SDK1: variants seen among roughly 807,000 people sequenced by gnomAD.
The protein encoded by SDK1 is protein sidekick-1.
A neutral mutation model predicts 245.5 loss-of-function variants in SDK1; 157 were observed. The ratio of observed to expected loss-of-function variants is 0.64; its 90% CI spans 0.56 to 0.73. SDK1 has a LOEUF of 0.73. Among genes scored for constraint, SDK1 ranks in the 30% least tolerant of loss-of-function variants. SDK1 has a pLI of 0.00. For missense variants in SDK1, 3,583 were observed against 3,002.3 expected, an observed-to-expected ratio of 1.19 and a Z score of -4.52; for synonymous variants, 1,647 against 1,278.5, an observed-to-expected ratio of 1.29 and a Z score of -6.15.
rs536929302 is a variant in SDK1, at chr7:4,192,804, G to A, written c.5099-13075G>A. Among the ~76,000 whole-genome samples the A allele has an allele frequency of 2.9e-3, 442 of 151,866 alleles. 2 individuals carry two copies. Among genetic ancestry groups the A allele is most frequent in the Non-Finnish European group, 4.9e-3 (333 of 67,994 alleles). On this transcript the variant is annotated intron_variant, in intron 35 of 44. Coordinates refer to ENST00000404826, the MANE Select transcript of SDK1 (RefSeq NM_152744.4). ...CACCAGCTCAACCACAAGGCAGCAC[G>A]GCCAGTCTGGCTTCATCCAAACATC...
intron 1 of SDK1, among the ~76,000 whole-genome samples, chr7:3,495,252 C>CTTTTTTT (rs71029675): frequency 1.1e-4 from 11 of 99,760 alleles, no homozygotes; most frequent in Non-Finnish European, 1.7e-4. Context: ...CATAATGGTT[C>CTTTTTTT]TTTTTTTTTT....
Position 4,051,115 on chromosome 7 carries a change from TA to T in SDK1, c.2719-521del, listed in dbSNP as rs1387264382. 3.4e-4 allele frequency among the ~76,000 whole-genome samples: 48 copies of T among 139,808 alleles called. 1 individual carries two copies. In the South Asian group the frequency reaches 0.01, roughly 30 times the overall value. The allele number at this position is 139,808 out of a possible 152,430, so 91.7% of individuals were successfully genotyped here. A position where few individuals can be genotyped will look rare whatever the true frequency, so the allele number is the denominator to read the frequency against. On this transcript the variant is annotated intron_variant, in intron 18 of 44. Coordinates refer to ENST00000404826, the MANE Select transcript of SDK1 (RefSeq NM_152744.4). Reference sequence around the variant, plus strand: ...TATATGTGTATATAATATATATGTATAATATATACATATTATATATAATATA... The same window carrying T: ...TATATGTGTATATAATATATATGTATATATATACATATTATATATAATATA...
chr7:4,070,746 G>A (rs1038878934), intron 20 of SDK1, among the ~76,000 whole-genome samples: 4 of 148,784 alleles, frequency 2.7e-5, no homozygotes, highest in African/African-American at 1.0e-4. Flanking sequence ...GTCTCACTCT[G>A]CAGCCCAGGA....
At chr7:3,584,731 A>AT (rs10683288) in intron 1 of SDK1, among the ~76,000 whole-genome samples, 13,240 of 146,336 alleles carry the variant, frequency 0.09, 854 homozygotes, top group African/African-American at 0.16. Flanking sequence ...ACTTCACGTT[A>AT]TTTTTTTTTT....
At chr7:3,907,268 T>C (rs1778983823) in intron 5 of SDK1, among the ~76,000 whole-genome samples, 1 of 152,236 alleles carries the variant, frequency 6.6e-6, no homozygotes, top group South Asian at 2.1e-4. Context: ...AGAAGCTCTG[T>C]ACCTATTAAC....
rs539939029 is a variant in SDK1 at position 3,498,206 on chromosome 7, C to T, written c.299-120874C>T. Reference sequence around the variant, plus strand: ...TGGGGTGAAAACACTCAAAGCCTGCCTTGAAAAAAGTCAACTTTTATGAGA... The same window carrying T: ...TGGGGTGAAAACACTCAAAGCCTGCTTTGAAAAAAGTCAACTTTTATGAGA... On this transcript the variant is annotated intron_variant, in intron 1 of 44. Transcript: ENST00000404826. Among the ~76,000 whole-genome samples, 33 of 152,274 alleles carry T rather than the reference C, an allele frequency of 2.2e-4. No individual in the cohort carries two copies. In the South Asian group the frequency reaches 6.6e-3, roughly 31 times the overall value.
rs112676363 is a variant in SDK1, at chr7:4,256,334, T to G, written c.6382-8790T>G. On this transcript the variant is annotated intron_variant, in intron 44 of 44. Coordinates refer to ENST00000404826, the MANE Select transcript of SDK1 (RefSeq NM_152744.4). Reference sequence around the variant, plus strand: ...TTGCCATTCCAGAAATATCCTGGCCTTCATGGCTAGTAACTCTGATATTCA... The same window carrying G: ...TTGCCATTCCAGAAATATCCTGGCCGTCATGGCTAGTAACTCTGATATTCA... 6.4e-3 allele frequency among the ~76,000 whole-genome samples: 974 copies of G among 152,354 alleles called. 3 individuals are homozygous for G. The highest frequency in any genetic ancestry group is 9.9e-3 in the Non-Finnish European group (674 of 68,040).
At chr7:3,700,152 G>C (rs1038945422) in intron 4 of SDK1, among the ~76,000 whole-genome samples, 2 of 152,174 alleles carry the variant, frequency 1.3e-5, no homozygotes, top group Non-Finnish European at 2.9e-5. Context: ...CAAATGAAGG[G>C]AAAACTAAAG....
intron 14 of SDK1, among the ~76,000 whole-genome samples, chr7:4,004,302 T>C (rs1178023109): frequency 1.3e-5 from 2 of 151,822 alleles, no homozygotes; most frequent in Non-Finnish European, 2.9e-5. Context: ...ATACTTATAT[T>C]TCAGGAGATT....
In SDK1 at chr7:3,389,931, A is replaced by G. The variant is rs117188977; in HGVS notation, c.298+88047A>G. On this transcript the variant is annotated intron_variant, in intron 1 of 44. Coordinates refer to ENST00000404826, the MANE Select transcript of SDK1 (RefSeq NM_152744.4). ...CCTTGAACAGACTGTTCAAGTGTTT[A>G]ATGTAGATATTAAAGACTGCTGGTG... is the stretch of plus-strand genomic sequence containing the variant. Among the ~76,000 whole-genome samples, 468 of 152,260 alleles carry G rather than the reference A, an allele frequency of 3.1e-3. 2 individuals carry two copies. The highest frequency in any genetic ancestry group is 4.8e-3 in the Non-Finnish European group (326 of 68,018).
intron 4 of SDK1, among the ~76,000 whole-genome samples, chr7:3,804,588 T>C (rs1328836117): frequency 6.6e-6 from 1 of 152,244 alleles, no homozygotes; most frequent in Non-Finnish European, 1.5e-5. Flanking sequence ...GAATATTTTC[T>C]CTATAGGAAA....
chr7:3,438,247 AT>A (rs1780087622), intron 1 of SDK1, among the ~76,000 whole-genome samples: 1 of 152,216 alleles, frequency 6.6e-6, no homozygotes, highest in Non-Finnish European at 1.5e-5. Context: ...TATATTCCCA[AT>A]GAATATGACT....
intron 4 of SDK1, among the ~76,000 whole-genome samples, chr7:3,663,361 A>G (rs1783423986): frequency 6.6e-6 from 1 of 152,184 alleles, no homozygotes; most frequent in South Asian, 2.1e-4. Context: ...CACACATAGT[A>G]TCTGTTCCCT....
chr7:3,652,336 G>C (rs150942015), intron 4 of SDK1, among the ~76,000 whole-genome samples: 1 of 152,226 alleles, frequency 6.6e-6, no homozygotes, highest in Non-Finnish European at 1.5e-5. Flanking sequence ...GGATGCCAGG[G>C]GGAACAAAGT....
chr7:4,136,457 G>A (rs1779098983), intron 28 of SDK1, among the ~76,000 whole-genome samples: 2 of 152,222 alleles, frequency 1.3e-5, no homozygotes, highest in Non-Finnish European at 1.5e-5. Context: ...CCGAGCTTTT[G>A]TAATCTATAT....
At chr7:3,692,253 G>A (rs886721494) in intron 4 of SDK1, among the ~76,000 whole-genome samples, 4 of 151,886 alleles carry the variant, frequency 2.6e-5, no homozygotes, top group Admixed American at 2.0e-4. Context: ...AAAAAAATAG[G>A]AATAAATCAG....
intron 5 of SDK1, among the ~76,000 whole-genome samples, chr7:3,883,471 C>T (rs566648629): frequency 6.6e-6 from 1 of 152,062 alleles, no homozygotes; most frequent in Admixed American, 6.5e-5. Flanking sequence ...ATGTGTGCGG[C>T]CCTTCATTAT....
intron 1 of SDK1, among the ~76,000 whole-genome samples, chr7:3,401,153 C>T (rs1023469990): frequency 6.6e-5 from 10 of 152,178 alleles, no homozygotes; most frequent in African/African-American, 1.4e-4. Context: ...ATACAGATCA[C>T]GCTTCACTTA....
At chr7:3,940,290 C>T (rs1368489937) in intron 5 of SDK1, among the ~76,000 whole-genome samples, 1 of 152,208 alleles carries the variant, frequency 6.6e-6, no homozygotes, top group Non-Finnish European at 1.5e-5. Context: ...ACGTGCTTTG[C>T]GGGACAGTGA....
Sources: gnomAD v4.1 joint callset for allele counts (sites outside exome capture counted in the v4.1 genomes callset) on GRCh38, gnomAD v4.1.1 for gene constraint, MANE v1.5 for transcripts, NCBI Gene and HGNC (gene_info 2026-07-23, HGNC 2026-07-21) for gene names.